POFUT2: variants seen among roughly 807,000 people sequenced by gnomAD.
The protein encoded by POFUT2 is protein O-fucosyltransferase 2.
A neutral mutation model predicts 55.0 loss-of-function variants in POFUT2; 30 were observed. That is an observed-to-expected ratio of 0.55 (90% CI 0.41 to 0.74). The LOEUF (loss-of-function observed/expected upper bound fraction) is 0.74. Among genes scored for constraint, POFUT2 ranks in the 30% least tolerant of loss-of-function variants. POFUT2 has a pLI of 0.00. For synonymous variants in POFUT2, 267 were observed against 231.1 expected (o/e 1.16, Z -1.41); for missense variants, 524 against 562.6 (o/e 0.93, Z 0.69).
At position 45,284,489 on chromosome 21, in the gene POFUT2, G is replaced by A. The variant is rs904966232; in HGVS notation, c.383-962C>T. Among the ~76,000 whole-genome samples, 1 of 152,202 alleles carries A rather than the reference G, an allele frequency of 6.6e-6. No homozygotes were observed. The highest frequency in any genetic ancestry group is 2.4e-5 in the African/African-American group (1 of 41,446). The stretch of plus-strand genomic sequence containing the variant: ...CACCCAGTTCCTTCCCCACCTCACA[G>A]GCGAGGAAACAGCTCAGCAAAGCCC... On this transcript the variant is annotated intron_variant, in intron 2 of 8. Transcript: ENST00000349485. This position sits in a 1 kb window ranked among gnomAD's most constrained non-coding sequence, Gnocchi z 5.8.
In POFUT2 at chr21:45,282,783, G is replaced by C. The variant is rs763351654; in HGVS notation, c.528-324C>G. 2.0e-6 allele frequency: 1 copy of C among 508,584 alleles called. No individual in the cohort carries two copies. The highest frequency in any genetic ancestry group is 3.9e-6 in the Non-Finnish European group (1 of 253,410). 31.5% of individuals were successfully genotyped at this position (508,584 alleles called of 1,614,324 possible). On this transcript the variant is annotated intron_variant, in intron 3 of 8. Coordinates refer to ENST00000349485, the MANE Select transcript of POFUT2 (RefSeq NM_133635.6). This position sits in a 1 kb window ranked among gnomAD's most constrained non-coding sequence, Gnocchi z 4.6. The stretch of plus-strand genomic sequence containing the variant: ...GCTGTGACCGTCAGCCAAGTCAACC[G>C]CGCCCTTCCCAAGAGCTCACCTGCC...
Position 45,282,217 on chromosome 21 carries a change from C to CCCCCAGGGT in POFUT2, c.638+123_638+131dup. On this transcript the variant is annotated intron_variant, in intron 4 of 8. Transcript: ENST00000349485. The surrounding 1 kb of genome is among the most constrained non-coding windows in gnomAD (Gnocchi z 4.6). Reference sequence around the variant, plus strand: ...CTTCCCTAACCACCACCCCCCAGGGCCCCCAGGGTCCGCTGTCTGTGAGGT... The same window carrying CCCCCAGGGT: ...CTTCCCTAACCACCACCCCCCAGGGCCCCCAGGGTCCCCAGGGTCCGCTGTCTGTGAGGT... 1 of 650,990 alleles carries CCCCCAGGGT rather than the reference C, an allele frequency of 1.5e-6. No individual in the cohort carries two copies. The highest frequency in any genetic ancestry group is 1.8e-5 in the African/African-American group (1 of 55,046). The allele number at this position is 650,990 out of a possible 1,614,324, so 40.3% of individuals were successfully genotyped here.
In POFUT2 at chr21:45,268,825, CT is replaced by C. The variant is rs1342271673; in HGVS notation, c.1012+1013del. ...CGGGAGGGAGGTGGGGGGGTCAGCCCTCCGCCCGGCCAGCCGCCCCGTCCGG... is the reference window on the plus strand; with the variant it reads ...CGGGAGGGAGGTGGGGGGGTCAGCCCCCGCCCGGCCAGCCGCCCCGTCCGG... On this transcript the variant is annotated intron_variant, in intron 7 of 8. Transcript: ENST00000349485. Among the ~76,000 whole-genome samples, 668 of 138,336 alleles carry C rather than the reference CT, an allele frequency of 4.8e-3. 1 individual carries two copies. The highest frequency in any genetic ancestry group is 0.017 in the African/African-American group (623 of 35,906). The allele number at this position is 138,336 out of a possible 152,430, so 90.8% of individuals were successfully genotyped here. A position where few individuals can be genotyped will look rare whatever the true frequency, so the allele number is the denominator to read the frequency against.
Position 45,277,222 on chromosome 21 carries a change from C to A in POFUT2, c.706-80G>T. On this transcript the variant is annotated intron_variant, in intron 5 of 8. Coordinates refer to ENST00000349485, the MANE Select transcript of POFUT2 (RefSeq NM_133635.6). This position sits in a 1 kb window ranked among gnomAD's most constrained non-coding sequence, Gnocchi z 6.9. ...CCCGGAGCGGGTTCTCCTGTCGCTG[C>A]CACCACCCACCCCCGCAGCTGGAAC... 1 of 1,537,164 alleles carries A rather than the reference C, an allele frequency of 6.5e-7. No individual in the cohort carries two copies. The highest frequency in any genetic ancestry group is 8.8e-7 in the Non-Finnish European group (1 of 1,137,402).
In POFUT2 at chr21:45,273,988, T is replaced by G. The variant is rs941455374; in HGVS notation, c.831+3029A>C. ...AGGGCAATCAGACAAGAGAAAGAAA[T>G]AAACGGCATCCAAATCAGTAAAGAG... On this transcript the variant is annotated intron_variant, in intron 6 of 8. Transcript: ENST00000349485. Among the ~76,000 whole-genome samples, 3 of 152,206 alleles carry G rather than the reference T, an allele frequency of 2.0e-5. No individual in the cohort carries two copies. The East Asian group carries it at 5.8e-4, about 29-fold the overall frequency.
chr21:45,283,234 G>A (rs1272106716), intron 3 of POFUT2, 149 bp downstream of exon 3: 8 of 453,558 alleles, frequency 1.8e-5, no homozygotes, highest in Non-Finnish European at 2.8e-5. Context: ...CCGTGGCGGG[G>A]GGAGGCGGGG....
rs558010507 is a variant in POFUT2, at chr21:45,264,941, C to G, written c.*541G>C. On this transcript the variant is annotated 3_prime_UTR_variant, in exon 9 of 9. Coordinates refer to ENST00000349485, the MANE Select transcript of POFUT2 (RefSeq NM_133635.6). ...CACCAGGTCTGCCTTGCACGCATCC[C>G]AGGAGGAAACACACAGGCAGCCTCC... 1.3e-5 allele frequency: 2 copies of G among 152,850 alleles called. No individual in the cohort carries two copies. The highest frequency in any genetic ancestry group is 2.9e-5 in the Non-Finnish European group (2 of 68,422). 9.5% of individuals were successfully genotyped at this position (152,850 alleles called of 1,614,324 possible).
In POFUT2 at chr21:45,285,633, C is replaced by T. The variant is rs373693691; in HGVS notation, c.382+45G>A. ...TCTACCTTAGAAATGACTGCCTGGC[C>T]CCAGTTAAGCAACCACGGCCTCCCA... On this transcript the variant is annotated intron_variant, in intron 2 of 8. Transcript: ENST00000349485. The surrounding 1 kb of genome is among the most constrained non-coding windows in gnomAD (Gnocchi z 4.9). 31 of 1,611,828 alleles carry T rather than the reference C, an allele frequency of 1.9e-5. No homozygotes were observed. In the African/African-American group the frequency reaches 2.5e-4, roughly 13 times the overall value.
At chr21:45,275,963 T>A (rs991647592) in intron 6 of POFUT2, among the ~76,000 whole-genome samples, 1 of 150,088 alleles carries the variant, frequency 6.7e-6, no homozygotes, top group South Asian at 2.1e-4. Flanking sequence ...CCAAGGCGGG[T>A]GGATTACTTG....
intron 7 of POFUT2, among the ~76,000 whole-genome samples, chr21:45,268,181 C>T (rs1226751265): frequency 2.6e-5 from 4 of 152,212 alleles, no homozygotes; most frequent in Non-Finnish European, 5.9e-5. Flanking sequence ...GACGGGGTTT[C>T]GCTGTGTTGG....
At chr21:45,287,573 A>T (rs1409643430) in intron 1 of POFUT2, among the ~76,000 whole-genome samples, 168 bp downstream of exon 1, 4 of 54,690 alleles carry the variant, frequency 7.3e-5, no homozygotes, top group African/African-American at 3.1e-4. Flanking sequence ...CCTGCCCCAT[A>T]ACTCCGCTCC....
At position 45,285,580 on chromosome 21, in the gene POFUT2, T is replaced by C; in HGVS notation, c.382+98A>G. On this transcript the variant is annotated intron_variant, in intron 2 of 8. Transcript: ENST00000349485. This position sits in a 1 kb window ranked among gnomAD's most constrained non-coding sequence, Gnocchi z 4.9. ...GGGCACTGGAGGATGCTGGTGAGGCTGGATGCAATCGTAAGCCCAACCTGA... is the reference window on the plus strand; with the variant it reads ...GGGCACTGGAGGATGCTGGTGAGGCCGGATGCAATCGTAAGCCCAACCTGA... The C allele has an allele frequency of 2.1e-6, 3 of 1,462,630 alleles. No individual in the cohort carries two copies. Among genetic ancestry groups the C allele is most frequent in the Non-Finnish European group, 2.8e-6 (3 of 1,054,982 alleles). 90.6% of individuals were successfully genotyped at this position (1,462,630 alleles called of 1,614,324 possible). A position where few individuals can be genotyped will look rare whatever the true frequency, so the allele number is the denominator to read the frequency against.
Position 45,269,929 on chromosome 21 carries a change from T to C in POFUT2, c.922A>G (p.Ser308Gly). The C allele has an allele frequency of 6.2e-7, 1 of 1,609,858 alleles. No homozygotes were observed. Among genetic ancestry groups the C allele is most frequent in the Non-Finnish European group, 8.5e-7 (1 of 1,178,684 alleles). Residue 308 changes from serine to glycine, a missense_variant, in exon 7 of 9, where the codon AGT (serine) becomes GGT (glycine). Ser to Gly is a moderately conservative substitution (Grantham distance 56, BLOSUM62 0). This residue lies in a region of POFUT2 where 250 missense variants were observed against 318.2 expected (regional missense o/e 0.79). Transcript: ENST00000349485. ...FIWGHRQDVP[S>G]LEGAVRKIRS... ...ATCTTCCTCACGGCCCCTTCCAGAC[T>C]GGGTACATCCTGTCTGTGACCCCAG...
Position 45,270,561 on chromosome 21 carries a change from G to A in POFUT2, c.832-542C>T, listed in dbSNP as rs1037326403. 6.6e-6 allele frequency among the ~76,000 whole-genome samples: 1 copy of A among 152,222 alleles called. No individual in the cohort carries two copies. The highest frequency in any genetic ancestry group is 2.4e-5 in the African/African-American group (1 of 41,450). On this transcript the variant is annotated intron_variant, in intron 6 of 8. Coordinates refer to ENST00000349485, the MANE Select transcript of POFUT2 (RefSeq NM_133635.6). This position sits in a 1 kb window ranked among gnomAD's most constrained non-coding sequence, Gnocchi z 4.6. ...GTCCACAGGTCCCGAGTCTGTCCAC[G>A]TGACAACTTCACTGCAGCATAACCA...
Position 45,275,884 on chromosome 21 carries a change from TA to T in POFUT2, c.831+1132del, listed in dbSNP as rs59278722. ...CCTGCTCCCCAAAAATGATTAAGGC[TA>T]AAAAAAAAAAATGATAAAATAAGCC... On this transcript the variant is annotated intron_variant, in intron 6 of 8. Transcript: ENST00000349485. 8.6e-4 allele frequency among the ~76,000 whole-genome samples: 126 copies of T among 146,782 alleles called. No homozygotes were observed. The Middle Eastern group carries it at 0.01, about 12-fold the overall frequency.
At chr21:45,266,483 C>T (rs933868365) in intron 8 of POFUT2, 17 of 1,121,296 alleles carry the variant, frequency 1.5e-5, no homozygotes, top group African/African-American at 6.5e-5. Context: ...GAGCTCAGTG[C>T]GAAGCCTCCC....
Position 45,266,290 on chromosome 21 carries a change from C to T in POFUT2, c.1137-655G>A, listed in dbSNP as rs116817686. On this transcript the variant is annotated intron_variant, in intron 8 of 8. Transcript: ENST00000349485. ...CAAATGTAACATGCACAGCGCTGTA[C>T]ACAGAGCCACAGGGCCAGCAGGCCA... 3,664 of 1,366,576 alleles carry T rather than the reference C, an allele frequency of 2.7e-3. 95 individuals are homozygous for T. In the African/African-American group the frequency reaches 0.05, roughly 18 times the overall value. The allele number at this position is 1,366,576 out of a possible 1,614,324, so 84.7% of individuals were successfully genotyped here.
chr21:45,281,059 C>T lies in POFUT2; in HGVS notation c.638+1290G>A, dbSNP rs1438704233. Among the ~76,000 whole-genome samples, 1 of 152,224 alleles carries T rather than the reference C, an allele frequency of 6.6e-6. No individual in the cohort carries two copies. The highest frequency in any genetic ancestry group is 2.4e-5 in the African/African-American group (1 of 41,454). The stretch of plus-strand genomic sequence containing the variant: ...TCTCCTGACGGCTTGATAGCTTCAC[C>T]TTCCCATTAGGGCTTTAACCCCCGG... On this transcript the variant is annotated intron_variant, in intron 4 of 8. Transcript: ENST00000349485. The surrounding 1 kb of genome is among the most constrained non-coding windows in gnomAD (Gnocchi z 5.0).
At chr21:45,268,107 C>T (rs907495139) in intron 7 of POFUT2, among the ~76,000 whole-genome samples, 4 of 152,188 alleles carry the variant, frequency 2.6e-5, no homozygotes, top group African/African-American at 9.6e-5. Flanking sequence ...GGTTCTCCTG[C>T]CTCAGCCTGC....
Sources: allele counts gnomAD v4.1 joint callset (sites outside exome capture counted in the v4.1 genomes callset), GRCh38; gene constraint gnomAD v4.1.1; regional missense constraint gnomAD v4.1.1; non-coding constraint Gnocchi (gnomAD v3.1); transcripts MANE v1.5; gene names NCBI Gene and HGNC (gene_info 2026-07-23, HGNC 2026-07-21).